The following NCAM2 variants were observed in gnomAD, a reference collection of about 807,000 sequenced individuals.
The protein encoded by NCAM2 is N-CAM-2.
NCAM2 carries 30 observed loss-of-function variants against 98.1 expected under a neutral mutation model. The ratio of observed to expected loss-of-function variants is 0.31; its 90% CI spans 0.23 to 0.41. The LOEUF is 0.41. Among genes scored for constraint, NCAM2 ranks in the 10% least tolerant of loss-of-function variants. NCAM2 has a pLI of 1.00. For missense variants in NCAM2, 867 were observed against 1,005.8 expected (o/e 0.86, Z 1.87); for synonymous variants, 368 against 342.4 (o/e 1.07, Z -0.83).
chr21:21,281,213 A>G (rs2072917307), intron 2 of NCAM2, among the ~76,000 whole-genome samples: 1 of 152,142 alleles, frequency 6.6e-6, no homozygotes, highest in African/African-American at 2.4e-5. Flanking sequence ...TATTTTGAAA[A>G]TACCTTATGC....
At chr21:21,232,591 GAA>G (rs924065967) in intron 1 of NCAM2, among the ~76,000 whole-genome samples, 1 of 151,510 alleles carries the variant, frequency 6.6e-6, no homozygotes, top group African/African-American at 2.4e-5. Flanking sequence ...ATGATCTTAG[GAA>G]AATTTAACTT....
At chr21:21,113,060 G>T (rs1601402240) in intron 1 of NCAM2, among the ~76,000 whole-genome samples, 2 of 152,100 alleles carry the variant, frequency 1.3e-5, no homozygotes, top group East Asian at 1.9e-4. Context: ...GTGGTTTTTA[G>T]AATTTAAGAC....
At chr21:21,028,452 C>A (rs1250634420) in intron 1 of NCAM2, among the ~76,000 whole-genome samples, 1 of 152,212 alleles carries the variant, frequency 6.6e-6, no homozygotes, top group East Asian at 1.9e-4. Flanking sequence ...CAGTGATTCA[C>A]ACTTCATAAA....
chr21:21,263,067 C>T (rs2071984448), intron 1 of NCAM2, among the ~76,000 whole-genome samples: 1 of 152,074 alleles, frequency 6.6e-6, no homozygotes, highest in African/African-American at 2.4e-5. Flanking sequence ...ATCAAATTAT[C>T]CCTCTTCTCT....
intron 1 of NCAM2, among the ~76,000 whole-genome samples, chr21:21,272,413 T>C (rs1568866981): frequency 6.6e-6 from 1 of 152,048 alleles, no homozygotes; most frequent in Non-Finnish European, 1.5e-5. Flanking sequence ...ATATACTGAA[T>C]CAGAATTTCC....
intron 8 of NCAM2, among the ~76,000 whole-genome samples, chr21:21,348,952 C>T (rs1396071040): frequency 6.6e-6 from 1 of 152,140 alleles, no homozygotes; most frequent in East Asian, 1.9e-4. Flanking sequence ...GGATTAAAGA[C>T]TTAAATCTAA....
chr21:21,164,823 G>A (rs1050721573), intron 1 of NCAM2, among the ~76,000 whole-genome samples: 1 of 152,110 alleles, frequency 6.6e-6, no homozygotes, highest in African/African-American at 2.4e-5. Flanking sequence ...CTTTACCAAT[G>A]TAGGGTTTAC....
chr21:21,192,646 A>G (rs533202337), intron 1 of NCAM2, among the ~76,000 whole-genome samples: 12 of 152,306 alleles, frequency 7.9e-5, no homozygotes, highest in African/African-American at 2.9e-4. Flanking sequence ...GAATTTTGGA[A>G]AGGACAGCGT....
chr21:21,172,930 T>A (rs1029926506), intron 1 of NCAM2, among the ~76,000 whole-genome samples: 3 of 152,164 alleles, frequency 2.0e-5, no homozygotes, highest in Non-Finnish European at 4.4e-5. Context: ...TTTATTTCAC[T>A]TTTCCTGTTT....
chr21:21,413,577 C>G (rs2076929461), intron 10 of NCAM2, among the ~76,000 whole-genome samples: 1 of 152,114 alleles, frequency 6.6e-6, no homozygotes, highest in Admixed American at 6.5e-5. Context: ...GCCAGTCACA[C>G]AAATTTTTGC....
chr21:21,324,609 T>G (rs185705972), intron 6 of NCAM2, 109 bp downstream of exon 6: 105 of 809,634 alleles, frequency 1.3e-4, no homozygotes, highest in Admixed American at 9.5e-4. Context: ...CATTTTAGTT[T>G]CATTAAAAAA....
chr21:21,100,954 C>G (rs1313217150), intron 1 of NCAM2, among the ~76,000 whole-genome samples: 1 of 151,996 alleles, frequency 6.6e-6, no homozygotes, highest in African/African-American at 2.4e-5. Context: ...TGATCTGTTA[C>G]ATTGACTTAT....
At chr21:21,046,255 T>C (rs1309481441) in intron 1 of NCAM2, among the ~76,000 whole-genome samples, 1 of 152,216 alleles carries the variant, frequency 6.6e-6, no homozygotes, top group Admixed American at 6.5e-5. Context: ...TTGTTACTTA[T>C]CTTTTTGTAT....
At chr21:21,430,722 C>T (rs2077316783) in intron 11 of NCAM2, among the ~76,000 whole-genome samples, 1 of 151,950 alleles carries the variant, frequency 6.6e-6, no homozygotes, top group African/African-American at 2.4e-5. Flanking sequence ...CACTTGGTTC[C>T]ACCCTTGACA....
intron 1 of NCAM2, among the ~76,000 whole-genome samples, chr21:21,270,900 A>G (rs936710357): frequency 6.6e-6 from 1 of 151,702 alleles, no homozygotes; most frequent in Admixed American, 6.6e-5. Context: ...CTAGTTCATC[A>G]TCTCTGCACT....
chr21:21,314,088 A>T (rs963274639), intron 5 of NCAM2, among the ~76,000 whole-genome samples: 1 of 152,070 alleles, frequency 6.6e-6, no homozygotes. Flanking sequence ...GAATAGTGTG[A>T]CATATTTCTC....
chr21:21,536,594 TG>T (rs1384453840), intron 17 of NCAM2, among the ~76,000 whole-genome samples: 2 of 152,104 alleles, frequency 1.3e-5, no homozygotes, highest in African/African-American at 2.4e-5. Flanking sequence ...TTCTCCATGT[TG>T]GTCAGGCCGG....
intron 15 of NCAM2, among the ~76,000 whole-genome samples, chr21:21,506,610 A>T (rs1302998996): frequency 6.6e-6 from 1 of 152,114 alleles, no homozygotes; most frequent in East Asian, 1.9e-4. Context: ...TGCAAACTAA[A>T]AAAAAATATT....
intron 15 of NCAM2, among the ~76,000 whole-genome samples, chr21:21,487,720 A>G (rs1036420569): frequency 2.6e-5 from 4 of 152,030 alleles, no homozygotes; most frequent in East Asian, 1.9e-4. Context: ...TCCATTTTAC[A>G]GTCAACGTTA....
Sources: allele counts gnomAD v4.1 joint callset (sites outside exome capture counted in the v4.1 genomes callset), GRCh38; gene constraint gnomAD v4.1.1; transcripts MANE v1.5; gene names NCBI Gene and HGNC (gene_info 2026-07-23, HGNC 2026-07-21).